The following SYK variants were observed in gnomAD, a reference collection of about 807,000 sequenced individuals.
SYK encodes the protein spleen associated tyrosine kinase.
Under a neutral mutation model 77.8 loss-of-function variants are expected in SYK, and 16 were observed. That is an observed-to-expected ratio of 0.21 (90% confidence interval 0.14 to 0.31). SYK has a LOEUF of 0.31. Ranked by LOEUF, SYK falls within the 10% of genes least tolerant of loss-of-function variation. SYK has a pLI of 1.00. For missense variants in SYK, 529 were observed against 814.4 expected (o/e 0.65, Z 4.26); for synonymous variants, 312 against 308.7 (o/e 1.01, Z -0.11).
Position 90,829,056 on chromosome 9 carries a change from C to T in SYK, c.-41-14802C>T, listed in dbSNP as rs896835157. ...CTGTAATCCCAACACTTTGGGATGCCGAGGTGGGCGGATCATGAGGTCAGG... is the reference window on the plus strand; with the variant it reads ...CTGTAATCCCAACACTTTGGGATGCTGAGGTGGGCGGATCATGAGGTCAGG... On this transcript the variant is annotated intron_variant, in intron 1 of 13. Transcript: ENST00000375754. Among the ~76,000 whole-genome samples, 12 of 152,240 alleles carry T rather than the reference C, an allele frequency of 7.9e-5. 1 individual carries two copies. In the South Asian group the frequency reaches 2.5e-3, roughly 32 times the overall value.
intron 1 of SYK, among the ~76,000 whole-genome samples, chr9:90,814,603 C>G: frequency 6.6e-6 from 1 of 152,146 alleles, no homozygotes; most frequent in Non-Finnish European, 1.5e-5. Context: ...TCCCCTTTCC[C>G]AGTTCTCAGT....
chr9:90,808,433 T>C (rs1824929902), intron 1 of SYK, among the ~76,000 whole-genome samples: 1 of 151,570 alleles, frequency 6.6e-6, no homozygotes, highest in South Asian at 2.1e-4. Flanking sequence ...GCTTTCCTGA[T>C]GTGCTGGGTA....
intron 1 of SYK, among the ~76,000 whole-genome samples, chr9:90,842,217 G>A (rs915051312): frequency 2.0e-5 from 3 of 151,098 alleles, no homozygotes; most frequent in Non-Finnish European, 4.4e-5. Flanking sequence ...TGTGTGTGAT[G>A]TGCATAGTGT....
chr9:90,887,699 G>A (rs201715593), intron 11 of SYK, 50 bp from the exon 12 acceptor site: 38 of 1,551,898 alleles, frequency 2.4e-5, no homozygotes, highest in East Asian at 2.1e-4. Flanking sequence ...CAATGTGCCC[G>A]GCCCACAATT....
chr9:90,843,515 A>G (rs1250505615), intron 1 of SYK, among the ~76,000 whole-genome samples: 1 of 152,302 alleles, frequency 6.6e-6, no homozygotes, highest in South Asian at 2.1e-4. Context: ...CCTGAGGGTC[A>G]GCCCAAGAGT....
In SYK at chr9:90,871,595, G is replaced by A. The variant is rs559128594; in HGVS notation, c.916-2609G>A. ...AGTGGCATATTCACCAAGTGCTTTGGGAAAGATGAAGCATGGATTTTGCAT... is the reference window on the plus strand; with the variant it reads ...AGTGGCATATTCACCAAGTGCTTTGAGAAAGATGAAGCATGGATTTTGCAT... On this transcript the variant is annotated intron_variant, in intron 7 of 13. Transcript: ENST00000375754. 1.4e-4 allele frequency among the ~76,000 whole-genome samples: 22 copies of A among 152,180 alleles called. No individual in the cohort carries two copies. In the South Asian group the frequency reaches 1.5e-3, roughly 10 times the overall value.
chr9:90,862,610 G>A (rs1176591790), intron 4 of SYK, among the ~76,000 whole-genome samples: 2 of 152,200 alleles, frequency 1.3e-5, no homozygotes, highest in African/African-American at 4.8e-5. Context: ...CATGTGAGGT[G>A]AACGAAGGTT....
chr9:90,812,270 G>T (rs184793270), intron 1 of SYK, among the ~76,000 whole-genome samples: 2 of 152,114 alleles, frequency 1.3e-5, no homozygotes, highest in East Asian at 1.9e-4. Context: ...GGTTTGCTTG[G>T]GGGGAAAGGG....
chr9:90,810,042 G>T (rs1402626256), intron 1 of SYK, among the ~76,000 whole-genome samples: 1 of 152,136 alleles, frequency 6.6e-6, no homozygotes, highest in Non-Finnish European at 1.5e-5. Context: ...CCAGCAGTGT[G>T]TAAGGTATTC....
intron 1 of SYK, among the ~76,000 whole-genome samples, chr9:90,834,355 C>T (rs1390514788): frequency 6.6e-6 from 1 of 152,188 alleles, no homozygotes; most frequent in East Asian, 1.9e-4. Flanking sequence ...CTCCACACTC[C>T]CCACTCATGA....
At chr9:90,847,301 T>A (rs562778558) in intron 3 of SYK, among the ~76,000 whole-genome samples, 41 of 152,340 alleles carry the variant, frequency 2.7e-4, no homozygotes, top group Non-Finnish European at 5.7e-4. Flanking sequence ...CCTATTCAGC[T>A]GGTGTCAGAG....
intron 1 of SYK, among the ~76,000 whole-genome samples, chr9:90,833,172 G>C (rs916321120): frequency 6.6e-6 from 1 of 152,222 alleles, no homozygotes; most frequent in African/African-American, 2.4e-5. Context: ...TCTGCAGTCA[G>C]CCACTCTGTG....
rs200362424 is a variant in SYK at position 90,844,129 on chromosome 9, C to G, written c.231C>G (p.Ala77=). ...AGCTGAATGGCACCTACGCCATCGC[C>G]GGTGGCAGGACCCATGCCAGCCCCG... is the stretch of plus-strand genomic sequence containing the variant. ...ERELNGTYAI[A]GGRTHASPAD... is the part of the protein sequence containing the mutation. The change falls in exon 2 of 14, where the codon GCC becomes GCG. Residue 77 remains alanine, a synonymous_variant. Coordinates refer to ENST00000375754, the MANE Select transcript of SYK (RefSeq NM_003177.7). 3 of 1,613,922 alleles carry G rather than the reference C, an allele frequency of 1.9e-6. No individual in the cohort carries two copies. The highest frequency in any genetic ancestry group is 1.7e-6 in the Non-Finnish European group (2 of 1,179,908).
chr9:90,853,205 G>A (rs1191497487), intron 3 of SYK, among the ~76,000 whole-genome samples: 2 of 148,968 alleles, frequency 1.3e-5, no homozygotes, highest in Non-Finnish European at 3.0e-5. Flanking sequence ...GGTTCATCGG[G>A]CCTGTCTCAG....
chr9:90,812,898 G>C (rs1389408198), intron 1 of SYK, among the ~76,000 whole-genome samples: 5 of 152,102 alleles, frequency 3.3e-5, no homozygotes, highest in African/African-American at 1.2e-4. Flanking sequence ...GAAGGCTTTA[G>C]AGTGAGAATG....
intron 1 of SYK, among the ~76,000 whole-genome samples, chr9:90,834,569 T>G (rs1371076244): frequency 6.6e-6 from 1 of 152,236 alleles, no homozygotes; most frequent in Non-Finnish European, 1.5e-5. Context: ...TTGTCTTTTG[T>G]TCATTGGCAA....
rs552422033 is a variant in SYK at position 90,871,112 on chromosome 9, A to G, written c.916-3092A>G. Among the ~76,000 whole-genome samples the G allele has an allele frequency of 1.9e-4, 29 of 152,384 alleles. No individual in the cohort carries two copies. In the Middle Eastern group the frequency reaches 0.01, roughly 54 times the overall value. On this transcript the variant is annotated intron_variant, in intron 7 of 13. Coordinates refer to ENST00000375754, the MANE Select transcript of SYK (RefSeq NM_003177.7). ...AATAGGAAATCAGGGATAATAATTT[A>G]TAACTGGACTTATTATTGCAGAGTG...
chr9:90,862,489 G>A (rs1827312917), intron 4 of SYK, 145 bp downstream of exon 4: 3 of 1,003,252 alleles, frequency 3.0e-6, no homozygotes, highest in Admixed American at 3.0e-5. Context: ...TGGAGCTCAT[G>A]AGAAACACAC....
intron 9 of SYK, among the ~76,000 whole-genome samples, chr9:90,875,414 C>CAA (rs201486869): frequency 7.6e-6 from 1 of 131,072 alleles, no homozygotes; most frequent in African/African-American, 2.9e-5. Context: ...AAAAACAAAA[C>CAA]AAAAAAAAGA....
Sources: allele counts gnomAD v4.1 joint callset (sites outside exome capture counted in the v4.1 genomes callset), GRCh38; gene constraint gnomAD v4.1.1; transcripts MANE v1.5; gene names NCBI Gene and HGNC (gene_info 2026-07-23, HGNC 2026-07-21).